Variants in SULF2 observed in about 807,000 individuals in gnomAD.
SULF2 encodes sulfatase 2.
A neutral mutation model predicts 107.7 loss-of-function variants in SULF2; 52 were observed. The observed-to-expected ratio is 0.48, with a 90% CI of 0.39 to 0.61. The LOEUF is 0.61. Ranked by LOEUF, SULF2 falls within the 20% of genes least tolerant of loss-of-function variation. The pLI is 0.00. For missense variants in SULF2, 993 were observed against 1,177.3 expected (o/e 0.84, Z 2.29); for synonymous variants, 460 against 464.3 (o/e 0.99, Z 0.12).
chr20:47,658,296 G>A lies in SULF2; in HGVS notation c.*66C>T, dbSNP rs755084418. 12 of 1,558,282 alleles carry A rather than the reference G, an allele frequency of 7.7e-6. No homozygotes were observed. Among genetic ancestry groups the A allele is most frequent in the Non-Finnish European group, 9.7e-6 (11 of 1,129,150 alleles). On this transcript the variant is annotated 3_prime_UTR_variant, in exon 21 of 21. Transcript: ENST00000688720. ...CAGGTCTGCTGGAAATCACCCACAT[G>A]GTTTTTCATTGCCTGTGCAGTCAGG... is the stretch of plus-strand genomic sequence containing the variant.
intron 10 of SULF2, 79 bp from the exon 11 acceptor site, chr20:47,672,472 C>A (rs965183380): frequency 6.8e-7 from 1 of 1,471,970 alleles, no homozygotes; most frequent in Non-Finnish European, 9.0e-7. Flanking sequence ...CCCCATCCAC[C>A]CTGGAGACAT....
intron 1 of SULF2, among the ~76,000 whole-genome samples, chr20:47,777,973 C>CAA (rs11322737): frequency 0.025 from 3,274 of 132,558 alleles, 116 homozygotes; most frequent in African/African-American, 0.083. Flanking sequence ...TCATCTCTAC[C>CAA]AAAAAAAAAA....
rs182802562 is a variant in SULF2, at chr20:47,708,442, G to T, written c.416-5772C>A. On this transcript the variant is annotated intron_variant, in intron 3 of 20. Transcript: ENST00000688720. ...ATAGGGTCCTGGAGACTGTCATGAG[G>T]AGTGGCAGGGTTCGTACCGCTCCTG... is the stretch of plus-strand genomic sequence containing the variant. Among the ~76,000 whole-genome samples, 653 of 152,328 alleles carry T rather than the reference G, an allele frequency of 4.3e-3. 4 individuals are homozygous for T. Among genetic ancestry groups the T allele is most frequent in the African/African-American group, 0.015 (622 of 41,574 alleles).
intron 1 of SULF2, among the ~76,000 whole-genome samples, chr20:47,763,242 G>GAGAC (rs1395789644): frequency 6.6e-6 from 1 of 152,138 alleles, no homozygotes; most frequent in African/African-American, 2.4e-5. Context: ...GCCAGCCCAG[G>GAGAC]AGACATCTCT....
At chr20:47,661,002 C>T (rs536505778) in intron 18 of SULF2, among the ~76,000 whole-genome samples, 10 of 152,262 alleles carry the variant, frequency 6.6e-5, no homozygotes, top group South Asian at 4.1e-4. Context: ...GGGCCATCTT[C>T]GCTGTTTTCT....
intron 1 of SULF2, among the ~76,000 whole-genome samples, chr20:47,759,326 C>CTGGCTTCTTTCTGTCGAA (rs2090365848): frequency 6.6e-6 from 1 of 152,244 alleles, no homozygotes; most frequent in South Asian, 2.1e-4. Context: ...TCCAGCCCTA[C>CTGGCTTCTTTCTGTCGAA]TGGCTTCTTT....
chr20:47,785,774 G>C (rs1228396239), upstream of SULF2: 5 of 148,204 alleles, frequency 3.4e-5, no homozygotes, highest in African/African-American at 1.2e-4. Flanking sequence ...GCTGGGGCCC[G>C]GGGCGCGGGG....
At chr20:47,660,750 G>C (rs1355580858) in intron 18 of SULF2, among the ~76,000 whole-genome samples, 1 of 151,972 alleles carries the variant, frequency 6.6e-6, no homozygotes, top group East Asian at 1.9e-4. Context: ...TGGAATCATA[G>C]GCATGAGCAA....
At chr20:47,717,163 A>G (rs1041602420) in intron 3 of SULF2, among the ~76,000 whole-genome samples, 1 of 152,242 alleles carries the variant, frequency 6.6e-6, no homozygotes, top group Non-Finnish European at 1.5e-5. Context: ...TGGTATTATC[A>G]TGAAAATAGT....
At chr20:47,681,135 A>G (rs1890818716) in intron 7 of SULF2, among the ~76,000 whole-genome samples, 1 of 152,238 alleles carries the variant, frequency 6.6e-6, no homozygotes, top group South Asian at 2.1e-4. Context: ...AATGAAGCCA[A>G]TTCGGCGGAA....
intron 2 of SULF2, among the ~76,000 whole-genome samples, chr20:47,746,994 A>AAAATATAT (rs1555853890): frequency 1.5e-5 from 2 of 131,894 alleles, no homozygotes; most frequent in African/African-American, 2.9e-5. Context: ...AAAAAAAAAA[A>AAAATATAT]ATATATATAT....
chr20:47,783,191 A>T (rs2090862703), intron 1 of SULF2, among the ~76,000 whole-genome samples: 1 of 151,730 alleles, frequency 6.6e-6, no homozygotes, highest in African/African-American at 2.4e-5. Flanking sequence ...GTTACCAATT[A>T]TCTTAAGTCT....
At chr20:47,759,888 A>G (rs1376415602) in intron 1 of SULF2, among the ~76,000 whole-genome samples, 3 of 152,186 alleles carry the variant, frequency 2.0e-5, no homozygotes, top group Admixed American at 6.5e-5. Flanking sequence ...TTTCTTATTT[A>G]TTGTCCAATT....
chr20:47,736,622 C>G, intron 3 of SULF2, 81 bp downstream of exon 3: 1 of 1,566,780 alleles, frequency 6.4e-7, no homozygotes, highest in Non-Finnish European at 8.7e-7. Context: ...ACTTGGGTAC[C>G]GCAGTGGTGT....
chr20:47,781,287 C>T (rs568143324), intron 1 of SULF2, among the ~76,000 whole-genome samples: 2 of 152,362 alleles, frequency 1.3e-5, no homozygotes, highest in South Asian at 4.1e-4. Flanking sequence ...ACATTAGTGG[C>T]CCATCATCGC....
In SULF2 at chr20:47,704,929, A is replaced by C. The variant is rs558640738; in HGVS notation, c.416-2259T>G. Reference sequence around the variant, plus strand: ...TAGAGGAGAGGACAACCTATCCACCAGTGTCCTTGGAGAAAGCACAGAGCC... The same window carrying C: ...TAGAGGAGAGGACAACCTATCCACCCGTGTCCTTGGAGAAAGCACAGAGCC... On this transcript the variant is annotated intron_variant, in intron 3 of 20. Transcript: ENST00000688720. Among the ~76,000 whole-genome samples, 5 of 152,326 alleles carry C rather than the reference A, an allele frequency of 3.3e-5. No homozygotes were observed. The East Asian group carries it at 9.7e-4, about 29-fold the overall frequency.
chr20:47,727,564 A>AG (rs1319555041), intron 3 of SULF2, among the ~76,000 whole-genome samples: 1 of 152,170 alleles, frequency 6.6e-6, no homozygotes, highest in African/African-American at 2.4e-5. Flanking sequence ...TGGGACAGAG[A>AG]GGGTGTCGCC....
At chr20:47,660,150 G>A (rs1174173873) in intron 18 of SULF2, among the ~76,000 whole-genome samples, 4 of 152,194 alleles carry the variant, frequency 2.6e-5, no homozygotes, top group African/African-American at 4.8e-5. Context: ...CGTGGGCTCC[G>A]GGGTCAGCCC....
At chr20:47,699,623 C>G (rs898658749) in intron 4 of SULF2, among the ~76,000 whole-genome samples, 2 of 152,094 alleles carry the variant, frequency 1.3e-5, no homozygotes, top group Non-Finnish European at 2.9e-5. Context: ...GTGAAACTCA[C>G]CGTACAGTCC....
Sources: gnomAD v4.1 joint callset for allele counts (sites outside exome capture counted in the v4.1 genomes callset) on GRCh38, gnomAD v4.1.1 for gene constraint, MANE v1.5 for transcripts, NCBI Gene and HGNC (gene_info 2026-07-23, HGNC 2026-07-21) for gene names.